Variants in DNAJC3 observed in about 807,000 individuals in gnomAD.
DNAJC3 encodes the protein dnaJ homolog subfamily C member 3.
In DNAJC3, 38 loss-of-function variants were observed where a neutral mutation model predicts 68.6. The ratio of observed to expected loss-of-function variants is 0.55; its 90% CI spans 0.43 to 0.73. The LOEUF (loss-of-function observed/expected upper bound fraction) is 0.73. DNAJC3 is among the 30% of genes least tolerant of loss of function. The probability of loss-of-function intolerance (pLI) is 0.00; values close to 1 mark genes in which losing one functional copy is unlikely to be tolerated. For synonymous variants in DNAJC3, 203 were observed against 204.0 expected (o/e 1.00, Z 0.04); for missense variants, 526 against 591.9 (o/e 0.89, Z 1.16).
At chr13:95,761,208 A>C (rs187958075) in intron 7 of DNAJC3, among the ~76,000 whole-genome samples, 20 of 152,358 alleles carry the variant, frequency 1.3e-4, no homozygotes, top group Admixed American at 3.3e-4. Flanking sequence ...TTGGAGTACC[A>C]AAGAGGAGTA....
At chr13:95,750,454 G>C (rs777633338) in intron 4 of DNAJC3, among the ~76,000 whole-genome samples, 1 of 152,076 alleles carries the variant, frequency 6.6e-6, no homozygotes, top group Non-Finnish European at 1.5e-5. Flanking sequence ...ATGGGCTTTA[G>C]AGATAGAGAC....
chr13:95,677,418 G>C, intron 1 of DNAJC3, 81 bp downstream of exon 1: 1 of 1,421,724 alleles, frequency 7.0e-7, no homozygotes, highest in Non-Finnish European at 9.4e-7. Context: ...CCGGGCGCCT[G>C]TCCCGGAGCG....
chr13:95,772,430 A>G (rs2139685234), intron 9 of DNAJC3, among the ~76,000 whole-genome samples: 1 of 152,318 alleles, frequency 6.6e-6, no homozygotes, highest in African/African-American at 2.4e-5. Context: ...GTGCTTGCTC[A>G]GTTTTAAAAG....
intron 1 of DNAJC3, among the ~76,000 whole-genome samples, chr13:95,691,262 G>C (rs1298632157): frequency 4.0e-5 from 6 of 151,784 alleles, no homozygotes; most frequent in Admixed American, 3.3e-4. Flanking sequence ...CCCAGACGGG[G>C]TGGCTGCTGG....
intron 2 of DNAJC3, among the ~76,000 whole-genome samples, chr13:95,718,869 AG>A (rs1593976560): frequency 6.6e-6 from 1 of 152,202 alleles, no homozygotes; most frequent in African/African-American, 2.4e-5. Flanking sequence ...CAGATTCTTC[AG>A]CAGACAGCAG....
intron 1 of DNAJC3, chr13:95,692,823 CT>C (rs560572728): frequency 0.019 from 2,728 of 141,452 alleles, 65 homozygotes; most frequent in African/African-American, 0.059. Context: ...GCACCCATGC[CT>C]TTTTTTTTTT....
chr13:95,731,948 C>G (rs1281680483), intron 4 of DNAJC3, among the ~76,000 whole-genome samples: 1 of 147,364 alleles, frequency 6.8e-6, no homozygotes, highest in African/African-American at 2.5e-5. Context: ...CTTTGTTGCA[C>G]AGGCTGGTCT....
chr13:95,719,818 C>T (rs907694685), intron 2 of DNAJC3, among the ~76,000 whole-genome samples: 1 of 152,140 alleles, frequency 6.6e-6, no homozygotes, highest in Non-Finnish European at 1.5e-5. Flanking sequence ...TGATGGGATC[C>T]TTAATACAAA....
intron 1 of DNAJC3, chr13:95,694,923 C>T (rs9561932): frequency 0.34 from 51,337 of 152,474 alleles, 8,919 homozygotes; most frequent in Middle Eastern, 0.4. Context: ...TGGTATTATC[C>T]TCCTACTCAA....
At chr13:95,751,995 C>T (rs932660819) in intron 4 of DNAJC3, among the ~76,000 whole-genome samples, 1 of 152,216 alleles carries the variant, frequency 6.6e-6, no homozygotes, top group African/African-American at 2.4e-5. Flanking sequence ...CCACCAGGTC[C>T]CTCCCATGAC....
At chr13:95,775,456 A>T (rs1391745927) in intron 9 of DNAJC3, among the ~76,000 whole-genome samples, 1 of 152,116 alleles carries the variant, frequency 6.6e-6, no homozygotes, top group Admixed American at 6.5e-5. Flanking sequence ...TTTTGCTTAT[A>T]TTTACAGCTT....
chr13:95,711,996 A>G (rs1374961461), intron 2 of DNAJC3, among the ~76,000 whole-genome samples: 1 of 152,236 alleles, frequency 6.6e-6, no homozygotes, highest in African/African-American at 2.4e-5. Flanking sequence ...AGAAGTCCAC[A>G]TATTATGTTT....
At chr13:95,748,378 G>A (rs1882372899) in intron 4 of DNAJC3, among the ~76,000 whole-genome samples, 1 of 151,868 alleles carries the variant, frequency 6.6e-6, no homozygotes, top group African/African-American at 2.4e-5. Context: ...GGTAGTCTGT[G>A]GATCTGTATC....
In DNAJC3 at chr13:95,764,066, A is replaced by C. The variant is rs531259715; in HGVS notation, c.1075+113A>C. ...TACCAGAGTACCTGGAAATGTTGACAATTTTAGAAAAATGGCAGAGAACTT... is the reference window on the plus strand; with the variant it reads ...TACCAGAGTACCTGGAAATGTTGACCATTTTAGAAAAATGGCAGAGAACTT... On this transcript the variant is annotated intron_variant, in intron 9 of 11. Coordinates refer to ENST00000602402, the MANE Select transcript of DNAJC3 (RefSeq NM_006260.5). 8 of 1,472,802 alleles carry C rather than the reference A, an allele frequency of 5.4e-6. No homozygotes were observed. In the Admixed American group the frequency reaches 6.9e-5, roughly 13 times the overall value. The allele number at this position is 1,472,802 out of a possible 1,614,324, so 91.2% of individuals were successfully genotyped here. A position where few individuals can be genotyped will look rare whatever the true frequency, so the allele number is the denominator to read the frequency against.
chr13:95,706,709 C>T (rs935072206), intron 1 of DNAJC3, among the ~76,000 whole-genome samples: 1 of 152,154 alleles, frequency 6.6e-6, no homozygotes, highest in Non-Finnish European at 1.5e-5. Flanking sequence ...GAGACTCAGA[C>T]GGACTTGGGG....
intron 9 of DNAJC3, among the ~76,000 whole-genome samples, chr13:95,779,537 ACTCT>A (rs932036342): frequency 4.7e-5 from 7 of 149,626 alleles, no homozygotes; most frequent in African/African-American, 7.4e-5. Context: ...GGCTTTTAAA[ACTCT>A]CTATTTCCAT....
chr13:95,703,424 A>G (rs1476222860), intron 1 of DNAJC3, among the ~76,000 whole-genome samples: 1 of 152,200 alleles, frequency 6.6e-6, no homozygotes, highest in African/African-American at 2.4e-5. Context: ...AGTGGCACCA[A>G]ATGCACAGTG....
intron 9 of DNAJC3, among the ~76,000 whole-genome samples, chr13:95,768,493 G>C (rs1334103530): frequency 6.6e-6 from 1 of 152,280 alleles, no homozygotes; most frequent in Non-Finnish European, 1.5e-5. Flanking sequence ...TCTGTGAATA[G>C]GGCCAAGTAG....
chr13:95,751,811 A>C (rs1882487905), intron 4 of DNAJC3, among the ~76,000 whole-genome samples: 1 of 152,218 alleles, frequency 6.6e-6, no homozygotes, highest in African/African-American at 2.4e-5. Flanking sequence ...ATGGCTGGGG[A>C]GGCCTCACAA....
Sources: allele counts gnomAD v4.1 joint callset (sites outside exome capture counted in the v4.1 genomes callset), GRCh38; gene constraint gnomAD v4.1.1; transcripts MANE v1.5; gene names NCBI Gene and HGNC (gene_info 2026-07-23, HGNC 2026-07-21).